TEF: variants seen among roughly 807,000 people sequenced by gnomAD.
The protein encoded by TEF is TEF transcription factor, PAR bZIP family member, also known as thyrotroph embryonic factor.
Under a neutral mutation model 20.8 loss-of-function variants are expected in TEF, and 3 were observed. The ratio of observed to expected loss-of-function variants is 0.14; its 90% CI spans 0.07 to 0.37. The LOEUF (loss-of-function observed/expected upper bound fraction) is 0.37, where lower values mean the gene tolerates loss of function less well. Among genes scored for constraint, TEF ranks in the 10% least tolerant of loss-of-function variants. TEF has a pLI of 1.00. For missense variants in TEF, 296 were observed against 397.9 expected, an observed-to-expected ratio of 0.74 and a Z score of 2.18; for synonymous variants, 180 against 171.1, an observed-to-expected ratio of 1.05 and a Z score of -0.41.
At position 41,387,461 on chromosome 22, in the gene TEF, G is replaced by A; in HGVS notation, c.268G>A (p.Asp90Asn). 1 of 1,614,226 alleles carries A rather than the reference G, an allele frequency of 6.2e-7. No individual in the cohort carries two copies. The highest frequency in any genetic ancestry group is 8.5e-7 in the Non-Finnish European group (1 of 1,180,040). Residue 90 changes from aspartate (D) to asparagine (N), a missense_variant, in exon 2 of 4, where the codon GAT (aspartate) becomes AAT (asparagine). Around this residue, in one of 2 missense-constraint regions of TEF, gnomAD observed 194 missense variants for 317.8 expected, o/e 0.61. Coordinates refer to ENST00000266304, the MANE Select transcript of TEF (RefSeq NM_003216.4). Reference protein sequence around the residue: ...PPIWDKTIPYDGESFHLEYMD... With the variant: ...PPIWDKTIPYNGESFHLEYMD... Reference sequence around the variant, plus strand: ...CATCTGGGACAAGACCATCCCATATGATGGCGAATCTTTCCACCTGGAGTA... The same window carrying A: ...CATCTGGGACAAGACCATCCCATATAATGGCGAATCTTTCCACCTGGAGTA...
chr22:41,386,415 T>C (rs2037097834), intron 1 of TEF, among the ~76,000 whole-genome samples: 1 of 148,868 alleles, frequency 6.7e-6, no homozygotes. Flanking sequence ...CACTCCAGCC[T>C]GGGCAACAGA....
chr22:41,382,241 G>A, intron 1 of TEF, 40 bp downstream of exon 1: 1 of 1,185,744 alleles, frequency 8.4e-7, no homozygotes, highest in Non-Finnish European at 1.0e-6. Flanking sequence ...TGGGGGCGGG[G>A]CTTATACAGG....
intron 1 of TEF, among the ~76,000 whole-genome samples, chr22:41,371,640 G>A: frequency 6.6e-6 from 1 of 152,242 alleles, no homozygotes; most frequent in East Asian, 1.9e-4. Context: ...AAGGCAAACA[G>A]CAGCATGGCC....
At chr22:41,380,337 G>A (rs376896507), upstream of TEF, among the ~76,000 whole-genome samples, 13 of 152,086 alleles carry the variant, frequency 8.5e-5, no homozygotes, top group Non-Finnish European at 8.8e-5. Context: ...TGTACTTACA[G>A]TAGTGTCGGA....
chr22:41,390,309 G>A lies in TEF; in HGVS notation c.475+2641G>A, dbSNP rs1400176205. Among the ~76,000 whole-genome samples, 6 of 152,110 alleles carry A rather than the reference G, an allele frequency of 3.9e-5. No homozygotes were observed. The East Asian group carries it at 5.8e-4, about 15-fold the overall frequency. ...GTTTGTGTAGACCCTGCCAAATAGC[G>A]TACAAAGTTGTTATATCCATTTGTA... On this transcript the variant is annotated intron_variant, in intron 2 of 3. Transcript: ENST00000266304.
At chr22:41,395,527 CACCATGTAACGT>C (rs2037216706) in intron 3 of TEF, among the ~76,000 whole-genome samples, 1 of 152,114 alleles carries the variant, frequency 6.6e-6, no homozygotes. Flanking sequence ...TCCTTCTCTT[CACCATGTAACGT>C]ACCAAATAAC....
chr22:41,381,930 T>G, upstream of TEF: 1 of 1,223,998 alleles, frequency 8.2e-7, no homozygotes, highest in Non-Finnish European at 1.0e-6. Context: ...GGGGGCGCCA[T>G]TGGGCGCCTG....
chr22:41,376,048 T>A (rs551522207), intron 1 of TEF, among the ~76,000 whole-genome samples: 1 of 152,248 alleles, frequency 6.6e-6, no homozygotes, highest in South Asian at 2.1e-4. Context: ...AGAGTGGGAC[T>A]GTTCTACTAG....
intron 1 of TEF, among the ~76,000 whole-genome samples, chr22:41,376,254 TG>T (rs2036940207): frequency 6.6e-6 from 1 of 152,246 alleles, no homozygotes; most frequent in African/African-American, 2.4e-5. Flanking sequence ...TTGTTGTTGT[TG>T]AGATGGAGTC....
chr22:41,398,508 A>G lies in TEF; in HGVS notation c.*2548A>G, dbSNP rs1456460022. ...GGCACCCTCAGTGCAACCTCAGAAC[A>G]GACAAATCATGAATGAGCTGGAACT... On this transcript the variant is annotated 3_prime_UTR_variant, in exon 4 of 4. Coordinates refer to ENST00000266304, the MANE Select transcript of TEF (RefSeq NM_003216.4). 6.5e-6 allele frequency: 1 copy of G among 153,796 alleles called. No individual in the cohort carries two copies. The highest frequency in any genetic ancestry group is 1.5e-5 in the Non-Finnish European group (1 of 68,050). 9.5% of individuals were successfully genotyped at this position (153,796 alleles called of 1,614,324 possible). A position where few individuals can be genotyped will look rare whatever the true frequency, so the allele number is the denominator to read the frequency against.
rs2037236204 is a variant in TEF, at chr22:41,396,931, C to A, written c.*971C>A. 2.5e-6 allele frequency: 1 copy of A among 398,530 alleles called. No homozygotes were observed. Among genetic ancestry groups the A allele is most frequent in the African/African-American group, 2.1e-5 (1 of 48,612 alleles). The allele number at this position is 398,530 out of a possible 1,614,324, so 24.7% of individuals were successfully genotyped here. On this transcript the variant is annotated 3_prime_UTR_variant, in exon 4 of 4. Coordinates refer to ENST00000266304, the MANE Select transcript of TEF (RefSeq NM_003216.4). ...GGTGTTTAGAAAATGCCTCCACAGC[C>A]CCCTTCCACCATGGGCATGAGAGCT...
At chr22:41,385,416 G>T (rs1264849407) in intron 1 of TEF, among the ~76,000 whole-genome samples, 1 of 152,014 alleles carries the variant, frequency 6.6e-6, no homozygotes, top group Admixed American at 6.6e-5. Flanking sequence ...TTATCCTTAT[G>T]TACAGTGGAG....
exon 1 of TEF, chr22:41,367,566 G>A: frequency 1.3e-6 from 2 of 1,551,400 alleles, no homozygotes; most frequent in South Asian, 1.2e-5. Context: ...GTCCCTGCTG[G>A]AGCACTCTCT....
chr22:41,371,355 C>T (rs75560307), intron 1 of TEF, among the ~76,000 whole-genome samples: 162 of 152,268 alleles, frequency 1.1e-3, no homozygotes, highest in African/African-American at 3.5e-3. Context: ...GCTGGGCAGG[C>T]GGCATCCCCA....
At chr22:41,382,859 G>A (rs562700613) in intron 1 of TEF, 1 of 470,774 alleles carries the variant, frequency 2.1e-6, no homozygotes, top group Non-Finnish European at 4.4e-6. Context: ...ATGAGGGTCA[G>A]ATGAGTCCAC....
At chr22:41,386,209 C>G (rs1321463469) in intron 1 of TEF, among the ~76,000 whole-genome samples, 1 of 152,168 alleles carries the variant, frequency 6.6e-6, no homozygotes, top group East Asian at 1.9e-4. Flanking sequence ...GAGGCCAAGG[C>G]AGGTGGATCA....
intron 1 of TEF, among the ~76,000 whole-genome samples, chr22:41,368,023 C>A (rs144286348): frequency 3.9e-5 from 6 of 152,106 alleles, no homozygotes; most frequent in Non-Finnish European, 8.8e-5. Context: ...TTCCTTGGTG[C>A]GCCTGCTGCA....
intron 1 of TEF, among the ~76,000 whole-genome samples, chr22:41,374,812 TGAGGAA>T (rs1271740031): frequency 1.3e-5 from 2 of 152,068 alleles, no homozygotes; most frequent in South Asian, 2.1e-4. Flanking sequence ...TTGAGTAGGC[TGAGGAA>T]GAGGAGGAGG....
chr22:41,379,182 C>A (rs1047015610), upstream of TEF, among the ~76,000 whole-genome samples: 1 of 151,918 alleles, frequency 6.6e-6, no homozygotes, highest in African/African-American at 2.4e-5. Context: ...ATAGAAAATA[C>A]AAAAAATTAG....
Sources: allele counts gnomAD v4.1 joint callset (sites outside exome capture counted in the v4.1 genomes callset), GRCh38; gene constraint gnomAD v4.1.1; regional missense constraint gnomAD v4.1.1; transcripts MANE v1.5; gene names NCBI Gene and HGNC (gene_info 2026-07-23, HGNC 2026-07-21).